ARID4B: variants seen among roughly 807,000 people sequenced by gnomAD.
ARID4B encodes the protein AT-rich interactive domain-containing protein 4B.
Under a neutral mutation model 147.5 loss-of-function variants are expected in ARID4B, and 26 were observed. The ratio of observed to expected loss-of-function variants is 0.18; its 90% CI spans 0.13 to 0.24. The LOEUF is 0.24. Ranked by LOEUF, ARID4B falls within the 10% of genes least tolerant of loss-of-function variation. The probability of loss-of-function intolerance (pLI) is 1.00; values close to 1 mark genes in which losing one functional copy is unlikely to be tolerated. For missense variants in ARID4B, 1,179 were observed against 1,511.5 expected, an observed-to-expected ratio of 0.78 and a Z score of 3.65; for synonymous variants, 512 against 507.9, an observed-to-expected ratio of 1.01 and a Z score of -0.11.
chr1:235,325,584 G>T (rs934807914), intron 2 of ARID4B, among the ~76,000 whole-genome samples: 5 of 152,052 alleles, frequency 3.3e-5, no homozygotes, highest in Admixed American at 3.3e-4. Flanking sequence ...CTTTTCTTAA[G>T]AAATTCTCAC....
In ARID4B at chr1:235,177,908, T is replaced by C; in HGVS notation, c.3340A>G (p.Thr1114Ala). 6.3e-7 allele frequency: 1 copy of C among 1,579,448 alleles called. No individual in the cohort carries two copies. The highest frequency in any genetic ancestry group is 8.6e-7 in the Non-Finnish European group (1 of 1,163,430). ...PEPEHPEKAC[T>A]GQKRVKDAQG... ...GCATCTTTCACTCTTTTCTGACCTG[T>C]ACAGGCTATGAAGGGAAAGGAATTA... is the stretch of plus-strand genomic sequence containing the variant. The change falls in exon 21 of 24, where the codon ACA becomes GCA. Residue 1114 changes from threonine to alanine, a missense_variant. Coordinates refer to ENST00000264183, the MANE Select transcript of ARID4B (RefSeq NM_016374.6).
intron 19 of ARID4B, among the ~76,000 whole-genome samples, chr1:235,185,852 ATATTT>A (rs565928198): frequency 1.3e-5 from 2 of 151,960 alleles, no homozygotes; most frequent in Admixed American, 1.3e-4. Context: ...TTCATTCTTG[ATATTT>A]TATAATTTCA....
chr1:235,307,689 G>T (rs1673678754), intron 2 of ARID4B, among the ~76,000 whole-genome samples: 1 of 152,182 alleles, frequency 6.6e-6, no homozygotes. Context: ...ACCTTTCAAA[G>T]TCTCTTCAGG....
chr1:235,181,084 G>GCTTGTGTGA, intron 20 of ARID4B: 1 of 1,015,766 alleles, frequency 9.8e-7, no homozygotes, highest in African/African-American at 1.7e-5. Context: ...AGTTAGTCAG[G>GCTTGTGTGA]CTTGAAAATC....
rs1315561703 is a variant in ARID4B, at chr1:235,277,617, TG to T, written c.7-16866del. Among the ~76,000 whole-genome samples the T allele has an allele frequency of 2.4e-3, 343 of 140,458 alleles. 3 individuals carry two copies. The Middle Eastern group carries it at 0.025, about 10-fold the overall frequency. 92.1% of individuals were successfully genotyped at this position (140,458 alleles called of 152,430 possible). ...TATTGTGTGTGTGTGTGTGTGTGTGTGTGTGTGTGTGTGTGTGTGTGTGTTT... is the reference window on the plus strand; with the variant it reads ...TATTGTGTGTGTGTGTGTGTGTGTGTTGTGTGTGTGTGTGTGTGTGTGTTT... On this transcript the variant is annotated intron_variant, in intron 2 of 23. Coordinates refer to ENST00000264183, the MANE Select transcript of ARID4B (RefSeq NM_016374.6).
At chr1:235,304,136 ATC>A (rs1673381740) in intron 2 of ARID4B, among the ~76,000 whole-genome samples, 1 of 152,146 alleles carries the variant, frequency 6.6e-6, no homozygotes, top group South Asian at 2.1e-4. Context: ...GTGGACAGAT[ATC>A]TTGAGTCCAG....
intron 2 of ARID4B, among the ~76,000 whole-genome samples, chr1:235,263,711 G>A (rs975783580): frequency 2.6e-5 from 4 of 151,900 alleles, no homozygotes; most frequent in Middle Eastern, 3.4e-3. Context: ...AAGGAGGGCT[G>A]GGCGCGGGAC....
At chr1:235,201,582 C>G (rs770596864) in intron 17 of ARID4B, among the ~76,000 whole-genome samples, 9 of 152,148 alleles carry the variant, frequency 5.9e-5, no homozygotes, top group Non-Finnish European at 1.2e-4. Flanking sequence ...CCTTGGCCTC[C>G]CGAAGTGCTG....
In ARID4B at chr1:235,168,186, G is replaced by GT. The variant is rs1663078255; in HGVS notation, c.*338dup. 1 of 236,676 alleles carries GT rather than the reference G, an allele frequency of 4.2e-6. No individual in the cohort carries two copies. Among genetic ancestry groups the GT allele is most frequent in the African/African-American group, 2.2e-5 (1 of 45,136 alleles). The allele number at this position is 236,676 out of a possible 1,614,324, so 14.7% of individuals were successfully genotyped here. On this transcript the variant is annotated 3_prime_UTR_variant, in exon 24 of 24. Transcript: ENST00000264183. Reference sequence around the variant, plus strand: ...CAAAATACAAGGGAATACATATACAGTAAGTTATCTTAACATGTTCTGACC... The same window carrying GT: ...CAAAATACAAGGGAATACATATACAGTTAAGTTATCTTAACATGTTCTGACC...
chr1:235,291,129 G>A (rs368032273), intron 2 of ARID4B, among the ~76,000 whole-genome samples: 1 of 152,170 alleles, frequency 6.6e-6, no homozygotes, highest in East Asian at 1.9e-4. Context: ...AGGCGTGGTG[G>A]CTCACGCCTA....
Position 235,172,774 on chromosome 1 carries a change from T to C in ARID4B, c.3665-10A>G, listed in dbSNP as rs760556732. The C allele has an allele frequency of 6.5e-7, 1 of 1,530,460 alleles. No individual in the cohort carries two copies. The highest frequency in any genetic ancestry group is 8.7e-7 in the Non-Finnish European group (1 of 1,145,754). The allele number at this position is 1,530,460 out of a possible 1,614,324, so 94.8% of individuals were successfully genotyped here. A position where few individuals can be genotyped will look rare whatever the true frequency, so the allele number is the denominator to read the frequency against. On this transcript the variant is annotated splice_polypyrimidine_tract_variant and intron_variant, in intron 22 of 23. Coordinates refer to ENST00000264183, the MANE Select transcript of ARID4B (RefSeq NM_016374.6). ...ATATTTTCCAGGTCCGCTATAAATT[T>C]AAAGCTTTCATTAACAGACATTTTT...
intron 6 of ARID4B, among the ~76,000 whole-genome samples, chr1:235,248,127 C>T (rs1030606484): frequency 6.6e-6 from 1 of 152,170 alleles, no homozygotes; most frequent in African/African-American, 2.4e-5. Context: ...TCATTGCTCA[C>T]TGCAGCCTCA....
intron 2 of ARID4B, among the ~76,000 whole-genome samples, chr1:235,310,420 C>G (rs550865206): frequency 6.6e-6 from 1 of 152,146 alleles, no homozygotes; most frequent in Non-Finnish European, 1.5e-5. Flanking sequence ...GCTCTGTGAT[C>G]AGTTTAATGT....
intron 16 of ARID4B, among the ~76,000 whole-genome samples, chr1:235,215,603 G>T (rs1029968921): frequency 8.8e-5 from 11 of 124,322 alleles, no homozygotes; most frequent in Non-Finnish European, 2.1e-4. Context: ...CCCCCTTGGA[G>T]ACATGGTCTC....
chr1:235,289,367 C>T (rs1400393292), intron 2 of ARID4B, among the ~76,000 whole-genome samples: 1 of 152,082 alleles, frequency 6.6e-6, no homozygotes, highest in Non-Finnish European at 1.5e-5. Context: ...ATTTATAATT[C>T]ACATCACTAA....
chr1:235,263,838 C>T (rs1013126995), intron 2 of ARID4B, among the ~76,000 whole-genome samples: 1 of 150,632 alleles, frequency 6.6e-6, no homozygotes, highest in Non-Finnish European at 1.5e-5. Context: ...AAAAAAAATA[C>T]AAAAAAATAG....
chr1:235,176,985 T>A, intron 21 of ARID4B: 1 of 470,646 alleles, frequency 2.1e-6, no homozygotes, highest in East Asian at 6.9e-5. Context: ...TCAGAAGAAA[T>A]ACAGTATATA....
chr1:235,272,821 T>G (rs1393606871), intron 2 of ARID4B, among the ~76,000 whole-genome samples: 2 of 151,634 alleles, frequency 1.3e-5, no homozygotes, highest in Non-Finnish European at 2.9e-5. Context: ...TCTATATTAA[T>G]TTATTATTAC....
intron 11 of ARID4B, among the ~76,000 whole-genome samples, chr1:235,227,214 G>C (rs1439970771): frequency 1.3e-5 from 2 of 152,168 alleles, no homozygotes; most frequent in South Asian, 4.1e-4. Context: ...AAGTTCAAGG[G>C]GGAGGACACA....
Sources: gnomAD v4.1 joint callset for allele counts (sites outside exome capture counted in the v4.1 genomes callset) on GRCh38, gnomAD v4.1.1 for gene constraint, MANE v1.5 for transcripts, NCBI Gene and HGNC (gene_info 2026-07-23, HGNC 2026-07-21) for gene names.